Variants in GET1 observed in about 807,000 individuals in gnomAD.
GET1 encodes congenital heart disease 5 protein.
In GET1, 20 loss-of-function variants were observed where a neutral mutation model predicts 22.6. The observed-to-expected ratio is 0.89, with a 90% CI of 0.62 to 1.29. The LOEUF is 1.29. Among genes scored for constraint, GET1 ranks in the 50% most tolerant of loss-of-function variants. The probability of loss-of-function intolerance (pLI) is 0.00; values close to 1 mark genes in which losing one functional copy is unlikely to be tolerated. For synonymous variants in GET1, 92 were observed against 83.8 expected (o/e 1.10, Z -0.53); for missense variants, 209 against 219.9 (o/e 0.95, Z 0.31).
chr21:39,391,096 C>A, intron 2 of GET1: 1 of 355,646 alleles, frequency 2.8e-6, no homozygotes, highest in Non-Finnish European at 5.0e-6. Context: ...TCCTCAGAGC[C>A]AACTCTTTAA....
At chr21:39,396,179 T>C (rs2038630786) in intron 4 of GET1, among the ~76,000 whole-genome samples, 1 of 152,120 alleles carries the variant, frequency 6.6e-6, no homozygotes, top group Admixed American at 6.6e-5. Flanking sequence ...GCAAATCATC[T>C]GAGGTCAGGA....
At chr21:39,393,088 G>A (rs953624417) in intron 3 of GET1, 78 bp from the exon 4 acceptor site, 17 of 1,250,056 alleles carry the variant, frequency 1.4e-5, no homozygotes, top group Middle Eastern at 2.3e-4. Context: ...TTTTATTTTC[G>A]CATTTCCCTG....
intron 1 of GET1, chr21:39,411,871 A>G (rs2040140395): frequency 1.1e-5 from 10 of 892,220 alleles, no homozygotes; most frequent in Non-Finnish European, 1.6e-5. Context: ...TCTTTTAAAA[A>G]CAATTTAAAT....
chr21:39,398,407 T>A (rs927961472), downstream of GET1, among the ~76,000 whole-genome samples: 8 of 152,128 alleles, frequency 5.3e-5, no homozygotes, highest in African/African-American at 1.9e-4. Flanking sequence ...GCATACAGTG[T>A]CCATGATGAT....
chr21:39,399,690 C>G (rs539593769), downstream of GET1, among the ~76,000 whole-genome samples: 1 of 152,250 alleles, frequency 6.6e-6, no homozygotes, highest in Non-Finnish European at 1.5e-5. Context: ...ATCCACCTGC[C>G]TCAGGCCCCC....
intron 1 of GET1, chr21:39,422,840 A>AT (rs1161618198): frequency 1.2e-6 from 1 of 810,574 alleles, no homozygotes; most frequent in Non-Finnish European, 2.0e-6. Flanking sequence ...ATTAGACAAC[A>AT]TAATTATTTA....
chr21:39,405,112 C>T (rs1006126718), intron 4 of GET1, among the ~76,000 whole-genome samples: 2 of 151,808 alleles, frequency 1.3e-5, no homozygotes, highest in African/African-American at 2.4e-5. Flanking sequence ...GGATTACTGG[C>T]GTGAGCCATG....
downstream of GET1, among the ~76,000 whole-genome samples, chr21:39,402,029 A>G (rs1350430719): frequency 6.6e-6 from 1 of 152,178 alleles, no homozygotes; most frequent in Non-Finnish European, 1.5e-5. Flanking sequence ...AATTTCAATA[A>G]TAATGATGAC....
chr21:39,423,725 T>C (rs1052406731), intron 1 of GET1, among the ~76,000 whole-genome samples: 1 of 152,198 alleles, frequency 6.6e-6, no homozygotes, highest in Non-Finnish European at 1.5e-5. Flanking sequence ...AGTTGTAATA[T>C]ATTTTATAGC....
intron 1 of GET1, among the ~76,000 whole-genome samples, chr21:39,388,154 C>CG (rs375931470): frequency 5.9e-4 from 90 of 152,070 alleles, no homozygotes; most frequent in African/African-American, 2.0e-3. Flanking sequence ...GCTGGCGGAT[C>CG]GCTTGAGCTC....
At chr21:39,399,801 C>T (rs1006029602), downstream of GET1, among the ~76,000 whole-genome samples, 5 of 151,926 alleles carry the variant, frequency 3.3e-5, no homozygotes, top group Non-Finnish European at 7.4e-5. Flanking sequence ...AAGCAGGTAT[C>T]TCTTTGATTT....
intron 4 of GET1, among the ~76,000 whole-genome samples, chr21:39,404,750 CAAAAAAAAAAAA>C (rs748914343): frequency 1.1e-5 from 1 of 88,168 alleles, no homozygotes; most frequent in Non-Finnish European, 2.0e-5. Flanking sequence ...GAGACACTGT[CAAAAAAAAAAAA>C]AAAAAAAAAG....
At chr21:39,421,108 T>G (rs1446756706) in intron 1 of GET1, among the ~76,000 whole-genome samples, 6 of 151,738 alleles carry the variant, frequency 4.0e-5, no homozygotes, top group African/African-American at 1.2e-4. Flanking sequence ...TTCGTTTTTT[T>G]TTTTTTTTTT....
chr21:39,400,355 T>C (rs2038809770), downstream of GET1, among the ~76,000 whole-genome samples: 2 of 152,230 alleles, frequency 1.3e-5, no homozygotes. Context: ...TAGATCCTTG[T>C]TTTGTGTGTG....
intron 1 of GET1, among the ~76,000 whole-genome samples, chr21:39,388,327 G>A (rs910331390): frequency 3.9e-5 from 6 of 152,180 alleles, no homozygotes; most frequent in Admixed American, 3.3e-4. Context: ...GAGATCTAAT[G>A]CAGGCGTCAA....
intron 4 of GET1, among the ~76,000 whole-genome samples, chr21:39,395,120 C>T (rs992468078): frequency 6.6e-6 from 1 of 152,148 alleles, no homozygotes; most frequent in African/African-American, 2.4e-5. Flanking sequence ...AGCAATCCTC[C>T]CTCCTCAGCC....
At chr21:39,405,735 TCAAA>T (rs976672564) in intron 4 of GET1, 14 of 539,562 alleles carry the variant, frequency 2.6e-5, no homozygotes, top group East Asian at 6.3e-5. Context: ...AGATTAGCAA[TCAAA>T]CAAAAATTTA....
chr21:39,380,361 C>A lies in GET1; in HGVS notation c.-24C>A. Reference sequence around the variant, plus strand: ...TCCCCATGGAGCTGCCGTAGCGGACCCAGCACAGCCAGGAGCGTCCGGGAT... The same window carrying A: ...TCCCCATGGAGCTGCCGTAGCGGACACAGCACAGCCAGGAGCGTCCGGGAT... On this transcript the variant is annotated 5_prime_UTR_variant, in exon 1 of 5. Transcript: ENST00000649170. 2 of 1,582,122 alleles carry A rather than the reference C, an allele frequency of 1.3e-6. No individual in the cohort carries two copies. Among genetic ancestry groups the A allele is most frequent in the Non-Finnish European group, 1.7e-6 (2 of 1,162,464 alleles).
downstream of GET1, among the ~76,000 whole-genome samples, chr21:39,402,154 A>G (rs1394717129): frequency 6.6e-6 from 1 of 152,120 alleles, no homozygotes; most frequent in Non-Finnish European, 1.5e-5. Context: ...CCCAGGCTGG[A>G]GTGCAGTGGC....
Sources: allele counts gnomAD v4.1 joint callset (sites outside exome capture counted in the v4.1 genomes callset), GRCh38; gene constraint gnomAD v4.1.1; transcripts MANE v1.5; gene names NCBI Gene and HGNC (gene_info 2026-07-23, HGNC 2026-07-21).